The following ASIP variants were observed in gnomAD, a reference collection of about 807,000 sequenced individuals.
ASIP encodes the protein agouti-signaling protein.
A neutral mutation model predicts 10.3 loss-of-function variants in ASIP; 11 were observed. The observed-to-expected ratio is 1.07, with a 90% CI of 0.68 to 1.78. ASIP has a LOEUF of 1.78. ASIP is among the 40% of genes most tolerant of loss of function. The probability of loss-of-function intolerance (pLI) is 0.00; values close to 1 mark genes in which losing one functional copy is unlikely to be tolerated. For synonymous variants in ASIP, 70 were observed against 70.8 expected (o/e 0.99, Z 0.06); for missense variants, 180 against 169.2 (o/e 1.06, Z -0.35).
intron 1 of ASIP, among the ~76,000 whole-genome samples, chr20:34,255,005 C>A (rs577442621): frequency 1.3e-5 from 2 of 152,300 alleles, no homozygotes; most frequent in African/African-American, 4.8e-5. Flanking sequence ...ATTCACTTTT[C>A]CTGAGTTAGG....
At chr20:34,216,811 G>A (rs376045403) in intron 1 of ASIP, among the ~76,000 whole-genome samples, 46 of 152,240 alleles carry the variant, frequency 3.0e-4, no homozygotes, top group African/African-American at 1.1e-3. Context: ...GGCAAATCTT[G>A]AACTTGTGAG....
the ASIP span, among the ~76,000 whole-genome samples, chr20:34,187,257 CT>C: frequency 6.6e-6 from 1 of 151,890 alleles, no homozygotes; most frequent in Non-Finnish European, 1.5e-5. Flanking sequence ...TAAATTGGTT[CT>C]TTTTTTTGTA....
chr20:34,233,397 T>G (rs1054395558), intron 1 of ASIP, among the ~76,000 whole-genome samples: 4 of 152,054 alleles, frequency 2.6e-5, no homozygotes, highest in African/African-American at 9.7e-5. Flanking sequence ...TCTGCCCACC[T>G]CGGCCTCCCA....
chr20:34,237,139 T>C (rs2035221325), upstream of ASIP, among the ~76,000 whole-genome samples: 1 of 152,214 alleles, frequency 6.6e-6, no homozygotes, highest in Admixed American at 6.5e-5. Flanking sequence ...TGTGGCTTTG[T>C]AGTAAGTTTT....
chr20:34,246,226 T>C (rs1379932233), intron 1 of ASIP: 2 of 1,497,376 alleles, frequency 1.3e-6, no homozygotes, highest in East Asian at 4.8e-5. Context: ...TCTTCTTTTT[T>C]TGTTTTATTT....
Position 34,269,260 on chromosome 20 carries a change from T to G in ASIP, c.*93T>G. 1 of 1,397,620 alleles carries G rather than the reference T, an allele frequency of 7.2e-7. No individual in the cohort carries two copies. The highest frequency in any genetic ancestry group is 9.3e-7 in the Non-Finnish European group (1 of 1,075,016). 86.6% of individuals were successfully genotyped at this position (1,397,620 alleles called of 1,614,324 possible). A position where few individuals can be genotyped will look rare whatever the true frequency, so the allele number is the denominator to read the frequency against. On this transcript the variant is annotated 3_prime_UTR_variant, in exon 4 of 4. Coordinates refer to ENST00000374954, the MANE Select transcript of ASIP (RefSeq NM_001672.3). ...CCCTAACAGGGCGGCTTCCCAGGGC[T>G]GCAGGCGGGCGGAGGTTCCAGGAGA... is the stretch of plus-strand genomic sequence containing the variant.
intron 3 of ASIP, 45 bp downstream of exon 3, chr20:34,262,938 C>T: frequency 6.2e-7 from 1 of 1,606,702 alleles, no homozygotes; most frequent in South Asian, 1.1e-5. Flanking sequence ...TGGGGTGAGA[C>T]TGGACTTAAA....
upstream of ASIP, chr20:34,194,521 A>T (rs1165786794): frequency 6.8e-6 from 1 of 146,962 alleles, no homozygotes; most frequent in Non-Finnish European, 1.5e-5. Context: ...AATCTGTTTC[A>T]AAGGAAAAAA....
chr20:34,215,378 T>C, intron 1 of ASIP: 1 of 1,573,350 alleles, frequency 6.4e-7, no homozygotes, highest in South Asian at 1.1e-5. Context: ...ATGGTATCTT[T>C]TATGAGAGTA....
At chr20:34,247,149 T>C (rs1327089072) in intron 1 of ASIP, among the ~76,000 whole-genome samples, 2 of 152,026 alleles carry the variant, frequency 1.3e-5, no homozygotes, top group African/African-American at 4.8e-5. Context: ...TGAGCCAATG[T>C]AGCCCGTTGT....
rs549514498 is a variant in ASIP at position 34,196,850 on chromosome 20, G to C, written c.-11+2090G>C. 1.4e-3 allele frequency among the ~76,000 whole-genome samples: 208 copies of C among 152,314 alleles called. 1 individual carries two copies. The highest frequency in any genetic ancestry group is 4.7e-3 in the African/African-American group (195 of 41,576). ...CCCTCTGATCATCACCACAAAGGTA[G>C]GATCCAGCTATAAATTGCCTGCTAG... On this transcript the variant is annotated intron_variant, in intron 1 of 3. Transcript: ENST00000568305.
At chr20:34,203,695 C>A (rs184504945) in intron 1 of ASIP, among the ~76,000 whole-genome samples, 1 of 152,066 alleles carries the variant, frequency 6.6e-6, no homozygotes, top group Non-Finnish European at 1.5e-5. Flanking sequence ...ATGCACCCAG[C>A]CTTATAAGTG....
intron 2 of ASIP, among the ~76,000 whole-genome samples, 155 bp from the exon 3 acceptor site, chr20:34,262,677 C>T (rs996090266): frequency 2.0e-5 from 3 of 152,170 alleles, no homozygotes; most frequent in African/African-American, 7.2e-5. Flanking sequence ...TAACAAGAAC[C>T]TACTGGCTTG....
chr20:34,215,728 G>A (rs1483790844), intron 1 of ASIP: 2 of 1,462,152 alleles, frequency 1.4e-6, no homozygotes, highest in Non-Finnish European at 1.9e-6. Flanking sequence ...CTTGAAAGCA[G>A]AAAAACTTTA....
Position 34,262,840 on chromosome 20 carries a change from A to G in ASIP, c.169A>G (p.Lys57Glu), listed in dbSNP as rs776143395. 8 of 1,614,030 alleles carry G rather than the reference A, an allele frequency of 5.0e-6. No homozygotes were observed. The South Asian group carries it at 7.7e-5, about 16-fold the overall frequency. ...VPSVSIVALN[K>E]KSKQIGRKAA... is the part of the protein sequence containing the mutation. ...TTTGTCTCTCTTTGAAGCGCTGAAC[A>G]AGAAATCCAAACAGATCGGCAGAAA... The change falls in exon 3 of 4, where the codon AAG (lysine) becomes GAG (glutamate). Residue 57 changes from lysine (K) to glutamate (E), a missense_variant. Coordinates refer to ENST00000374954, the MANE Select transcript of ASIP (RefSeq NM_001672.3).
At chr20:34,218,394 T>C (rs984612869) in intron 1 of ASIP, among the ~76,000 whole-genome samples, 2 of 152,152 alleles carry the variant, frequency 1.3e-5, no homozygotes, top group African/African-American at 4.8e-5. Flanking sequence ...CACCACTCCC[T>C]TCTAAAAAGG....
chr20:34,224,604 G>A (rs1004928485), intron 1 of ASIP, among the ~76,000 whole-genome samples: 4 of 152,060 alleles, frequency 2.6e-5, no homozygotes, highest in African/African-American at 9.7e-5. Context: ...AGATGCAGGC[G>A]TCTAGCAGAA....
chr20:34,241,718 A>C (rs1378192047), intron 1 of ASIP, among the ~76,000 whole-genome samples: 2 of 152,226 alleles, frequency 1.3e-5, no homozygotes, highest in Non-Finnish European at 2.9e-5. Context: ...TCCATTGCCT[A>C]GCAGTAAACG....
At chr20:34,186,592 C>CT in the ASIP span, among the ~76,000 whole-genome samples, 1 of 152,148 alleles carries the variant, frequency 6.6e-6, no homozygotes, top group Non-Finnish European at 1.5e-5. Flanking sequence ...CTTTGGGAAT[C>CT]TGACAATTTA....
Sources: allele counts gnomAD v4.1 joint callset (sites outside exome capture counted in the v4.1 genomes callset), GRCh38; gene constraint gnomAD v4.1.1; transcripts MANE v1.5; gene names NCBI Gene and HGNC (gene_info 2026-07-23, HGNC 2026-07-21).